The following ATP6V0A4 variants were observed in gnomAD, a reference collection of about 807,000 sequenced individuals.
ATP6V0A4 encodes the protein ATPase H+ transporting V0 subunit a4, also known as V-type proton ATPase 116 kDa subunit a 4.
Under a neutral mutation model 107.3 loss-of-function variants are expected in ATP6V0A4, and 86 were observed. The ratio of observed to expected loss-of-function variants is 0.80; its 90% CI spans 0.67 to 0.96. The LOEUF is 0.96. Among genes scored for constraint, ATP6V0A4 ranks in the 40% least tolerant of loss-of-function variants. ATP6V0A4 has a pLI of 0.00. For synonymous variants in ATP6V0A4, 353 were observed against 381.4 expected (o/e 0.93, Z 0.87); for missense variants, 908 against 1,045.6 (o/e 0.87, Z 1.81).
chr7:138,718,279 GGTGTGTGTGTGTGTGTGT>G lies in ATP6V0A4; in HGVS notation c.2140-2416_2140-2399del, dbSNP rs777538832. Among the ~76,000 whole-genome samples, 121 of 12,962 alleles carry G rather than the reference GGTGTGTGTGTGTGTGTGT, an allele frequency of 9.3e-3. 14 individuals carry two copies. The East Asian group carries it at 0.31, about 33-fold the overall frequency. The allele number at this position is 12,962 out of a possible 152,430, so 8.5% of individuals were successfully genotyped here. On this transcript the variant is annotated intron_variant, in intron 19 of 21. Transcript: ENST00000310018. ...AGGGAGACGTCCAGGAAGGAATGGC[GGTGTGTGTGTGTGTGTGT>G]GTGTGTGTGTGTGTGTGTGTGTGCA...
intron 18 of ATP6V0A4, among the ~76,000 whole-genome samples, chr7:138,726,394 G>A (rs1348708492): frequency 1.3e-5 from 2 of 152,236 alleles, no homozygotes; most frequent in Non-Finnish European, 2.9e-5. Flanking sequence ...AACAGAACGT[G>A]GGGGGCCTGG....
chr7:138,744,922 C>T (rs978725619), intron 14 of ATP6V0A4, among the ~76,000 whole-genome samples: 13 of 152,096 alleles, frequency 8.5e-5, no homozygotes, highest in African/African-American at 2.7e-4. Context: ...AGGCTGGTCT[C>T]GAACTCCTAA....
Position 138,747,780 on chromosome 7 carries a change from G to A in ATP6V0A4, c.1181-216C>T, listed in dbSNP as rs1256723371. The A allele has an allele frequency of 3.7e-5, 23 of 622,778 alleles. No homozygotes were observed. The East Asian group carries it at 8.4e-4, about 23-fold the overall frequency. The allele number at this position is 622,778 out of a possible 1,614,324, so 38.6% of individuals were successfully genotyped here. ...TGTTTTTCAATTTTTTTTGAAAGTG[G>A]GTCTCGCTCTGTCACCCAGGCTGGA... On this transcript the variant is annotated intron_variant, in intron 12 of 21. Coordinates refer to ENST00000310018, the MANE Select transcript of ATP6V0A4 (RefSeq NM_020632.3).
At chr7:138,710,932 C>A (rs1011866799) in intron 20 of ATP6V0A4, among the ~76,000 whole-genome samples, 9 of 152,192 alleles carry the variant, frequency 5.9e-5, no homozygotes, top group Non-Finnish European at 4.4e-5. Flanking sequence ...AAGCAGTTTA[C>A]ACATATTATC....
intron 19 of ATP6V0A4, among the ~76,000 whole-genome samples, chr7:138,721,397 G>A (rs1464304840): frequency 6.6e-6 from 1 of 152,054 alleles, no homozygotes; most frequent in African/African-American, 2.4e-5. Flanking sequence ...AAATTAACCG[G>A]GTGCAGTGGC....
chr7:138,779,031 A>G (rs1165114704), intron 2 of ATP6V0A4, among the ~76,000 whole-genome samples: 2 of 152,214 alleles, frequency 1.3e-5, no homozygotes, highest in Admixed American at 6.5e-5. Flanking sequence ...CTTACTGTAC[A>G]GCACCAGTAA....
rs1170622523 is a variant in ATP6V0A4, at chr7:138,759,976, C to G, written c.513-98G>C. The G allele has an allele frequency of 1.9e-6, 3 of 1,596,284 alleles. No homozygotes were observed. The African/African-American group carries it at 4.0e-5, about 21-fold the overall frequency. On this transcript the variant is annotated intron_variant, in intron 7 of 21. Transcript: ENST00000310018. ...TGAAGACACACCATGAAAGGAAGGGCCATTCACTCTGTGAGCAGGAGGGAC... is the reference window on the plus strand; with the variant it reads ...TGAAGACACACCATGAAAGGAAGGGGCATTCACTCTGTGAGCAGGAGGGAC...
intron 1 of ATP6V0A4, among the ~76,000 whole-genome samples, chr7:138,795,307 T>C (rs560941928): frequency 2.0e-5 from 3 of 152,170 alleles, no homozygotes; most frequent in East Asian, 1.9e-4. Flanking sequence ...ATAACAATGA[T>C]AAAATAGGGA....
intron 14 of ATP6V0A4, 105 bp downstream of exon 14, chr7:138,745,018 G>A (rs1210817751): frequency 2.8e-6 from 3 of 1,067,918 alleles, no homozygotes; most frequent in Non-Finnish European, 2.9e-6. Context: ...GAATTTTCAA[G>A]TGCACCTCTG....
In ATP6V0A4 at chr7:138,709,637, G is replaced by A. The variant is rs925744093; in HGVS notation, c.2416C>T (p.Leu806=). ...AACCATCCTTACCAGTGCAGTCGCA[G>A]GGCGTGCAGGAAAGCAGAGAGGCCC... ...MEGLSAFLHA[L]RLHWVEFQNK... is the part of the protein sequence containing the mutation. Residue 806 remains leucine, a synonymous_variant, in exon 21 of 22, where the codon CTG becomes TTG. Transcript: ENST00000310018. 1 of 1,612,824 alleles carries A rather than the reference G, an allele frequency of 6.2e-7. No homozygotes were observed. Among genetic ancestry groups the A allele is most frequent in the African/African-American group, 1.3e-5 (1 of 74,960 alleles).
intron 4 of ATP6V0A4, 62 bp downstream of exon 4, chr7:138,769,111 T>C: frequency 6.3e-7 from 1 of 1,597,398 alleles, no homozygotes; most frequent in South Asian, 1.1e-5. Flanking sequence ...TCCTGCAAAC[T>C]ATTAACCCCC....
chr7:138,717,271 G>GA (rs1804091017), intron 19 of ATP6V0A4, among the ~76,000 whole-genome samples: 1 of 152,174 alleles, frequency 6.6e-6, no homozygotes, highest in Non-Finnish European at 1.5e-5. Flanking sequence ...AAAGATCAAG[G>GA]AAAGAGGAGA....
intron 1 of ATP6V0A4, among the ~76,000 whole-genome samples, chr7:138,788,978 T>C (rs12535989): frequency 0.37 from 56,430 of 152,072 alleles, 11,940 homozygotes; most frequent in South Asian, 0.51. Context: ...AACAGATTAA[T>C]TCAGAGGGCA....
chr7:138,738,754 C>T (rs1228160877), intron 15 of ATP6V0A4, among the ~76,000 whole-genome samples: 1 of 152,104 alleles, frequency 6.6e-6, no homozygotes, highest in African/African-American at 2.4e-5. Context: ...GACTGGAAAC[C>T]AGTTTTAGGG....
In ATP6V0A4 at chr7:138,710,253, G is replaced by A. The variant is rs28499044; in HGVS notation, c.2258-458C>T. On this transcript the variant is annotated intron_variant, in intron 20 of 21. Transcript: ENST00000310018. ...GTCGCCCAGTCTGGAGTGCAATGGC[G>A]TGATCTTGGCTCACTGCAACCTCTA... 6.8e-3 allele frequency among the ~76,000 whole-genome samples: 997 copies of A among 147,584 alleles called. 12 individuals carry two copies. Among genetic ancestry groups the A allele is most frequent in the African/African-American group, 0.023 (931 of 39,810 alleles).
intron 11 of ATP6V0A4, 57 bp from the exon 12 acceptor site, chr7:138,749,374 T>G: frequency 6.3e-7 from 1 of 1,589,812 alleles, no homozygotes; most frequent in Non-Finnish European, 8.5e-7. Context: ...GGGCTGGGTG[T>G]CAGCACAAAG....
chr7:138,750,189 G>A (rs903401441), intron 11 of ATP6V0A4, among the ~76,000 whole-genome samples: 7 of 151,828 alleles, frequency 4.6e-5, no homozygotes, highest in Admixed American at 1.3e-4. Context: ...CCTTCCCCAC[G>A]CTTCCCCATG....
intron 18 of ATP6V0A4, among the ~76,000 whole-genome samples, chr7:138,725,338 A>C (rs1000494472): frequency 2.0e-5 from 3 of 152,224 alleles, no homozygotes; most frequent in Non-Finnish European, 2.9e-5. Context: ...TTATAGTATC[A>C]CCATTTGTAA....
At chr7:138,707,204 TATATTATATTATATAGAATATA>T (rs1803452616) in intron 21 of ATP6V0A4, among the ~76,000 whole-genome samples, 1 of 72,284 alleles carries the variant, frequency 1.4e-5, no homozygotes. Flanking sequence ...TATTATATAA[TATATTATATTATATAGAATATA>T]TTATATAATA....
Sources: gnomAD v4.1 joint callset for allele counts (sites outside exome capture counted in the v4.1 genomes callset) on GRCh38, gnomAD v4.1.1 for gene constraint, MANE v1.5 for transcripts, NCBI Gene and HGNC (gene_info 2026-07-23, HGNC 2026-07-21) for gene names.